Variants in SNX14 observed in about 807,000 individuals in gnomAD.
The protein encoded by SNX14 is sorting nexin-14.
In SNX14, 93 loss-of-function variants were observed where a neutral mutation model predicts 133.8. That is an observed-to-expected ratio of 0.70 (90% confidence interval 0.59 to 0.83). The LOEUF (loss-of-function observed/expected upper bound fraction) is 0.83. Ranked by LOEUF, SNX14 falls within the 40% of genes least tolerant of loss-of-function variation. The pLI is 0.00. For synonymous variants in SNX14, 368 were observed against 365.6 expected, an observed-to-expected ratio of 1.01 and a Z score of -0.07; for missense variants, 945 against 1,094.9, an observed-to-expected ratio of 0.86 and a Z score of 1.93.
At chr6:85,540,612 T>C (rs1783394086) in intron 15 of SNX14, among the ~76,000 whole-genome samples, 2 of 152,214 alleles carry the variant, frequency 1.3e-5, no homozygotes, top group African/African-American at 4.8e-5. Flanking sequence ...TTTCTACCTT[T>C]CAGAAAAGTT....
chr6:85,558,925 G>A (rs1020698710), intron 6 of SNX14, among the ~76,000 whole-genome samples: 11 of 116,700 alleles, frequency 9.4e-5, no homozygotes, highest in Non-Finnish European at 3.4e-5. Flanking sequence ...ATATGCACAT[G>A]CAGAAAACAG....
intron 1 of SNX14, chr6:85,581,725 G>A (rs1427426338): frequency 3.9e-5 from 6 of 152,202 alleles, no homozygotes; most frequent in Non-Finnish European, 8.8e-5. Flanking sequence ...ATGCATTAGA[G>A]TCTCTTAATA....
At chr6:85,572,987 T>C (rs1303368427) in intron 2 of SNX14, among the ~76,000 whole-genome samples, 2 of 152,124 alleles carry the variant, frequency 1.3e-5, no homozygotes, top group Non-Finnish European at 2.9e-5. Flanking sequence ...AAAGTGACAC[T>C]CTACTGCAAA....
chr6:85,555,656 T>C (rs778771992), intron 7 of SNX14, among the ~76,000 whole-genome samples: 4 of 152,178 alleles, frequency 2.6e-5, no homozygotes, highest in African/African-American at 9.7e-5. Flanking sequence ...TACATGATTA[T>C]ACATTTGTCA....
chr6:85,549,118 C>T (rs7752105), intron 8 of SNX14, among the ~76,000 whole-genome samples: 18,067 of 151,374 alleles, frequency 0.12, 1,657 homozygotes, highest in African/African-American at 0.26. Context: ...ATCATGTAAT[C>T]AAAATATTAA....
intron 27 of SNX14, among the ~76,000 whole-genome samples, 185 bp from the exon 28 acceptor site, chr6:85,507,474 G>A (rs1347071046): frequency 6.6e-6 from 1 of 151,996 alleles, no homozygotes; most frequent in Non-Finnish European, 1.5e-5. Flanking sequence ...TCTCAAAATA[G>A]GTAATAAGTA....
chr6:85,533,115 G>A (rs1780785822), intron 18 of SNX14, among the ~76,000 whole-genome samples: 1 of 152,144 alleles, frequency 6.6e-6, no homozygotes, highest in South Asian at 2.1e-4. Flanking sequence ...TCAAACTCCT[G>A]ACCTCAGGTA....
rs762050915 is a variant in SNX14 at position 85,593,563 on chromosome 6, C to G, written c.140+16G>C. On this transcript the variant is annotated intron_variant, in intron 1 of 28. Coordinates refer to ENST00000314673, the MANE Select transcript of SNX14 (RefSeq NM_153816.6). Reference sequence around the variant, plus strand: ...CGGAGAAAAGCCGCCGCCCAGGCTCCGCGCTGCGGCGTTACCTGTTAAGAA... The same window carrying G: ...CGGAGAAAAGCCGCCGCCCAGGCTCGGCGCTGCGGCGTTACCTGTTAAGAA... The G allele has an allele frequency of 1.2e-6, 2 of 1,601,356 alleles. No individual in the cohort carries two copies. The highest frequency in any genetic ancestry group is 8.5e-7 in the Non-Finnish European group (1 of 1,174,410).
rs1439676555 is a variant in SNX14 at position 85,505,759 on chromosome 6, T to C, written c.*208A>G. 3 of 529,788 alleles carry C rather than the reference T, an allele frequency of 5.7e-6. No homozygotes were observed. The East Asian group carries it at 1.0e-4, about 18-fold the overall frequency. 32.8% of individuals were successfully genotyped at this position (529,788 alleles called of 1,614,324 possible). On this transcript the variant is annotated 3_prime_UTR_variant, in exon 29 of 29. Transcript: ENST00000314673. Reference sequence around the variant, plus strand: ...CAAGTGACTTATGTTCTAATAAAATTTGGATCACAGCTAGCAAATGAAAGA... The same window carrying C: ...CAAGTGACTTATGTTCTAATAAAATCTGGATCACAGCTAGCAAATGAAAGA...
intron 13 of SNX14, 32 bp from the exon 14 acceptor site, chr6:85,543,338 TATAAA>T (rs760343561): frequency 2.0e-6 from 3 of 1,519,284 alleles, no homozygotes; most frequent in Non-Finnish European, 1.8e-6. Flanking sequence ...AGAAATTATT[TATAAA>T]TAGCATAAAT....
chr6:85,550,787 T>C (rs935664079), intron 7 of SNX14, among the ~76,000 whole-genome samples: 3 of 151,292 alleles, frequency 2.0e-5, no homozygotes, highest in Non-Finnish European at 4.4e-5. Context: ...GCCTCAAAAT[T>C]CTTTTTTTTT....
chr6:85,584,124 A>G (rs1475337090), intron 1 of SNX14, among the ~76,000 whole-genome samples: 2 of 152,214 alleles, frequency 1.3e-5, no homozygotes, highest in African/African-American at 2.4e-5. Context: ...TCTTTGACAA[A>G]CCTGACAAAA....
chr6:85,513,354 T>C (rs963574060), intron 26 of SNX14, among the ~76,000 whole-genome samples: 8 of 152,232 alleles, frequency 5.3e-5, no homozygotes, highest in African/African-American at 1.7e-4. Context: ...ATGCCTGTCT[T>C]CCTGCTAGAC....
At position 85,558,071 on chromosome 6, in the gene SNX14, T is replaced by G. The variant is rs764275223; in HGVS notation, c.550-11A>C. 11 of 1,401,618 alleles carry G rather than the reference T, an allele frequency of 7.8e-6. No individual in the cohort carries two copies. In the Admixed American group the frequency reaches 2.0e-4, roughly 26 times the overall value. The allele number at this position is 1,401,618 out of a possible 1,614,324, so 86.8% of individuals were successfully genotyped here. A position where few individuals can be genotyped will look rare whatever the true frequency, so the allele number is the denominator to read the frequency against. ...AGATGGAATATCCACCTAGAAAAATTCAAGATTAAAACTTTTAAAATAATT... is the reference window on the plus strand; with the variant it reads ...AGATGGAATATCCACCTAGAAAAATGCAAGATTAAAACTTTTAAAATAATT... On this transcript the variant is annotated splice_polypyrimidine_tract_variant and intron_variant, in intron 6 of 28. Transcript: ENST00000314673.
intron 7 of SNX14, among the ~76,000 whole-genome samples, chr6:85,554,974 C>A (rs1789161195): frequency 6.6e-6 from 1 of 151,540 alleles, no homozygotes; most frequent in African/African-American, 2.4e-5. Context: ...GCACATGCCA[C>A]CACACTCGGC....
chr6:85,537,478 GC>G (rs1407929362), intron 16 of SNX14, among the ~76,000 whole-genome samples: 1 of 152,168 alleles, frequency 6.6e-6, no homozygotes, highest in East Asian at 1.9e-4. Flanking sequence ...GCCCAAGGAA[GC>G]AGTCTGCTCT....
intron 8 of SNX14, among the ~76,000 whole-genome samples, 189 bp downstream of exon 8, chr6:85,549,534 T>C (rs1369266638): frequency 6.6e-6 from 1 of 152,072 alleles, no homozygotes; most frequent in Non-Finnish European, 1.5e-5. Context: ...ACACCACAAA[T>C]AGCACTTAAA....
At chr6:85,561,030 T>C (rs377336131) in intron 6 of SNX14, among the ~76,000 whole-genome samples, 3 of 113,658 alleles carry the variant, frequency 2.6e-5, no homozygotes, top group South Asian at 5.8e-4. Context: ...TGAGACTCCA[T>C]CTTAAAAAAA....
At chr6:85,588,502 G>A (rs1399856423) in intron 1 of SNX14, among the ~76,000 whole-genome samples, 4 of 151,764 alleles carry the variant, frequency 2.6e-5, no homozygotes, top group Admixed American at 1.3e-4. Flanking sequence ...GCATGAACCC[G>A]GGAGGCGGAG....
Sources: allele counts gnomAD v4.1 joint callset (sites outside exome capture counted in the v4.1 genomes callset), GRCh38; gene constraint gnomAD v4.1.1; transcripts MANE v1.5; gene names NCBI Gene and HGNC (gene_info 2026-07-23, HGNC 2026-07-21).